The following ANKRD12 variants were observed in gnomAD, a reference collection of about 807,000 sequenced individuals.
ANKRD12 encodes the protein ankyrin repeat domain 12.
A neutral mutation model predicts 183.4 loss-of-function variants in ANKRD12; 85 were observed. That is an observed-to-expected ratio of 0.46 (90% CI 0.39 to 0.56). The LOEUF (loss-of-function observed/expected upper bound fraction) is 0.56, where lower values mean the gene tolerates loss of function less well. ANKRD12 is among the 20% of genes least tolerant of loss of function. The pLI is 0.00. For missense variants in ANKRD12, 2,405 were observed against 2,357.1 expected (o/e 1.02, Z -0.42); for synonymous variants, 914 against 800.2 (o/e 1.14, Z -2.40).
chr18:9,264,142 T>G (rs2039144189), intron 10 of ANKRD12, among the ~76,000 whole-genome samples: 1 of 152,246 alleles, frequency 6.6e-6, no homozygotes, highest in Non-Finnish European at 1.5e-5. Flanking sequence ...TTGTTGAATT[T>G]GTAGAACTAT....
rs779126867 is a variant in ANKRD12, at chr18:9,258,070, T to C, written c.4803T>C (p.Asn1601=). ...GAAGTGATGCCTCTACCCAGCTAAA[T>C]ACACATTATGCATTTAGCAAACTAA... ...FNGSDASTQL[N]THYAFSKLTY... Residue 1601 remains asparagine, a synonymous_variant, in exon 9 of 13, where the codon AAT becomes AAC. Transcript: ENST00000262126. 1 of 1,613,386 alleles carries C rather than the reference T, an allele frequency of 6.2e-7. No individual in the cohort carries two copies. The highest frequency in any genetic ancestry group is 8.5e-7 in the Non-Finnish European group (1 of 1,179,964).
intron 2 of ANKRD12, among the ~76,000 whole-genome samples, chr18:9,191,539 G>C (rs762987478): frequency 1.3e-5 from 2 of 152,076 alleles, no homozygotes. Context: ...CAAGGGAGAA[G>C]GGATTTTTAA....
chr18:9,209,944 CTTTA>C (rs1346597028), intron 5 of ANKRD12, among the ~76,000 whole-genome samples: 3 of 152,180 alleles, frequency 2.0e-5, no homozygotes, highest in East Asian at 1.9e-4. Context: ...AGTTTCTTAT[CTTTA>C]TTTATGTAGC....
intron 8 of ANKRD12, among the ~76,000 whole-genome samples, chr18:9,232,849 T>TTTGTTGTTG (rs35915363): frequency 1.3e-5 from 2 of 150,150 alleles, no homozygotes; most frequent in African/African-American, 2.5e-5. Context: ...AAGACCTGAT[T>TTTGTTGTTG]TTGTTGTTGT....
At chr18:9,280,721 GGA>G (rs2040073660) in intron 12 of ANKRD12, among the ~76,000 whole-genome samples, 1 of 151,992 alleles carries the variant, frequency 6.6e-6, no homozygotes, top group Admixed American at 6.6e-5. Context: ...CCCAGGAGGC[GGA>G]GGTTGCAGTG....
chr18:9,149,942 T>C (rs2078629439), intron 1 of ANKRD12, among the ~76,000 whole-genome samples: 1 of 151,774 alleles, frequency 6.6e-6, no homozygotes, highest in Middle Eastern at 3.4e-3. Context: ...ACTACAGGCA[T>C]GCGCCCACCA....
intron 1 of ANKRD12, among the ~76,000 whole-genome samples, chr18:9,173,280 G>A (rs1433430472): frequency 6.6e-6 from 1 of 151,956 alleles, no homozygotes; most frequent in Non-Finnish European, 1.5e-5. Context: ...ATGTTGGCCA[G>A]GCTGGTCTCA....
At chr18:9,202,514 A>G (rs1393373448) in intron 3 of ANKRD12, among the ~76,000 whole-genome samples, 5 of 152,218 alleles carry the variant, frequency 3.3e-5, no homozygotes, top group African/African-American at 4.8e-5. Context: ...AAAAATTTCA[A>G]ACATACAGTA....
intron 1 of ANKRD12, among the ~76,000 whole-genome samples, chr18:9,162,203 C>G (rs1364796831): frequency 1.3e-5 from 2 of 151,796 alleles, no homozygotes; most frequent in East Asian, 3.9e-4. Flanking sequence ...CAACCCCTCC[C>G]TCCTAAAGGC....
intron 8 of ANKRD12, among the ~76,000 whole-genome samples, chr18:9,233,040 A>G (rs764871668): frequency 1.8e-4 from 27 of 151,246 alleles, no homozygotes; most frequent in Non-Finnish European, 3.1e-4. Context: ...TTAAAGAGAC[A>G]GGGGTTTCAC....
At position 9,197,004 on chromosome 18, in the gene ANKRD12, C is replaced by T. The variant is rs148720659; in HGVS notation, c.235+1306C>T. Among the ~76,000 whole-genome samples, 562 of 152,236 alleles carry T rather than the reference C, an allele frequency of 3.7e-3. 5 individuals are homozygous for T. Among genetic ancestry groups the T allele is most frequent in the African/African-American group, 0.013 (541 of 41,534 alleles). ...TTCTTTGCTAGTCATTTTTAAATTA[C>T]ATTACTCGGGTTTTGTTTTCCAATG... On this transcript the variant is annotated intron_variant, in intron 3 of 12. Transcript: ENST00000262126.
At chr18:9,260,999 C>G (rs921813698) in intron 9 of ANKRD12, among the ~76,000 whole-genome samples, 1 of 152,162 alleles carries the variant, frequency 6.6e-6, no homozygotes, top group Non-Finnish European at 1.5e-5. Flanking sequence ...CCCTCCCGTT[C>G]TCACACTAAG....
At chr18:9,277,627 G>A (rs1329854245) in intron 11 of ANKRD12, among the ~76,000 whole-genome samples, 3 of 151,822 alleles carry the variant, frequency 2.0e-5, no homozygotes, top group East Asian at 3.9e-4. Context: ...GCGCCCGGCC[G>A]ACACCCTGTT....
At chr18:9,137,706 C>T (rs1296347296) in intron 1 of ANKRD12, 1 of 152,190 alleles carries the variant, frequency 6.6e-6, no homozygotes, top group African/African-American at 2.4e-5. Flanking sequence ...TGTAAAATAA[C>T]CTTGCCGCAT....
chr18:9,222,863 A>G (rs2036499250), intron 8 of ANKRD12, among the ~76,000 whole-genome samples: 1 of 152,228 alleles, frequency 6.6e-6, no homozygotes, highest in Non-Finnish European at 1.5e-5. Flanking sequence ...TTACTTGTTG[A>G]ACAAAAATTG....
In ANKRD12 at chr18:9,147,607, A is replaced by C. The variant is rs371275005; in HGVS notation, c.-52+10642A>C. On this transcript the variant is annotated intron_variant, in intron 1 of 12. Coordinates refer to ENST00000262126, the MANE Select transcript of ANKRD12 (RefSeq NM_015208.5). ...AGTGAAGCCTGACCTCTTCCATCTT[A>C]AGTCTGTTGCACATCGTATATAGTA... Among the ~76,000 whole-genome samples the C allele has an allele frequency of 2.0e-4, 31 of 152,294 alleles. No individual in the cohort carries two copies. The East Asian group carries it at 5.4e-3, about 27-fold the overall frequency.
intron 2 of ANKRD12, among the ~76,000 whole-genome samples, chr18:9,193,265 A>G (rs4797360): frequency 0.026 from 3,984 of 151,968 alleles, 163 homozygotes; most frequent in Admixed American, 0.11. Flanking sequence ...CAGCCTCCCA[A>G]GTAGCTAGGA....
intron 2 of ANKRD12, among the ~76,000 whole-genome samples, chr18:9,187,228 C>G (rs2034144697): frequency 6.6e-6 from 1 of 151,844 alleles, no homozygotes; most frequent in African/African-American, 2.4e-5. Context: ...GAGTTCAAGA[C>G]CAGCCTGGGC....
At chr18:9,191,777 A>G (rs1019436362) in intron 2 of ANKRD12, among the ~76,000 whole-genome samples, 14 of 152,084 alleles carry the variant, frequency 9.2e-5, no homozygotes, top group African/African-American at 3.1e-4. Flanking sequence ...AGACCGACCT[A>G]TCTAGACCCC....
Sources: allele counts gnomAD v4.1 joint callset (sites outside exome capture counted in the v4.1 genomes callset), GRCh38; gene constraint gnomAD v4.1.1; transcripts MANE v1.5; gene names NCBI Gene and HGNC (gene_info 2026-07-23, HGNC 2026-07-21).